FOCAD: variants seen among roughly 807,000 people sequenced by gnomAD.
The protein encoded by FOCAD is focadhesin, also known as KIAA1797.
In FOCAD, 198 loss-of-function variants were observed where a neutral mutation model predicts 225.6. The ratio of observed to expected loss-of-function variants is 0.88; its 90% CI spans 0.78 to 0.99. The LOEUF is 0.99. Ranked by LOEUF, FOCAD falls within the 50% of genes least tolerant of loss-of-function variation. The probability of loss-of-function intolerance (pLI) is 0.00; values close to 1 mark genes in which losing one functional copy is unlikely to be tolerated. For missense variants in FOCAD, 2,713 were observed against 2,123.6 expected, an observed-to-expected ratio of 1.28 and a Z score of -5.46; for synonymous variants, 897 against 755.0, an observed-to-expected ratio of 1.19 and a Z score of -3.08.
intron 35 of FOCAD, among the ~76,000 whole-genome samples, chr9:20,969,859 C>G (rs1440577158): frequency 6.6e-6 from 1 of 151,916 alleles, no homozygotes; most frequent in African/African-American, 2.4e-5. Flanking sequence ...GCCTTGAGGA[C>G]TCCCATTAAC....
intron 8 of FOCAD, among the ~76,000 whole-genome samples, chr9:20,772,067 T>C (rs116570935): frequency 0.038 from 5,850 of 152,142 alleles, 146 homozygotes; most frequent in African/African-American, 0.072. Context: ...GAGGGCCTAA[T>C]GAGGGAAATG....
chr9:20,830,160 T>C (rs1217747767), intron 15 of FOCAD, among the ~76,000 whole-genome samples: 1 of 152,104 alleles, frequency 6.6e-6, no homozygotes, highest in Admixed American at 6.6e-5. Context: ...TACCTTGTCA[T>C]GTTGTGTTAT....
Position 20,933,038 on chromosome 9 carries a change from CCTT to C in FOCAD, c.3348_3350del (p.Leu1117del). On this transcript the variant is annotated inframe_deletion, in exon 28 of 44. Transcript: ENST00000338382. ...GTGATATATCTGGCCAAGAGATGAA[CCTT>C]CTTCTGATGAAGTCGTTGGATGCCC... 6.2e-7 allele frequency: 1 copy of C among 1,613,792 alleles called. No homozygotes were observed. The highest frequency in any genetic ancestry group is 8.5e-7 in the Non-Finnish European group (1 of 1,179,792).
intron 22 of FOCAD, among the ~76,000 whole-genome samples, chr9:20,908,513 C>T (rs1218328893): frequency 6.6e-6 from 1 of 152,108 alleles, no homozygotes; most frequent in African/African-American, 2.4e-5. Context: ...TTTAAATCCA[C>T]GTAGTCTACC....
intron 15 of FOCAD, among the ~76,000 whole-genome samples, chr9:20,836,563 A>G (rs929990068): frequency 3.3e-5 from 5 of 152,022 alleles, no homozygotes; most frequent in African/African-American, 9.7e-5. Context: ...CTCTTTTTGT[A>G]CATTTGTTGA....
At chr9:20,921,123 A>T (rs1177841544) in intron 24 of FOCAD, among the ~76,000 whole-genome samples, 1 of 152,120 alleles carries the variant, frequency 6.6e-6, no homozygotes, top group Admixed American at 6.6e-5. Context: ...GAACACGTAT[A>T]AAACCTGATG....
intron 8 of FOCAD, among the ~76,000 whole-genome samples, chr9:20,772,786 C>G (rs577129063): frequency 1.5e-4 from 23 of 152,014 alleles, no homozygotes; most frequent in African/African-American, 5.1e-4. Flanking sequence ...TCAAGTATTA[C>G]AAGTCATTTG....
intron 35 of FOCAD, among the ~76,000 whole-genome samples, chr9:20,974,670 C>T (rs201325624): frequency 7.6e-4 from 91 of 119,006 alleles, no homozygotes; most frequent in African/African-American, 2.8e-3. Context: ...CCTACTTCCC[C>T]CTTCTTTCAG....
At chr9:20,792,251 GAA>G (rs1820615406) in intron 11 of FOCAD, among the ~76,000 whole-genome samples, 1 of 152,180 alleles carries the variant, frequency 6.6e-6, no homozygotes, top group African/African-American at 2.4e-5. Context: ...TATCTGAACT[GAA>G]CATCAACCAC....
At chr9:20,858,231 T>C (rs1442755068) in intron 15 of FOCAD, among the ~76,000 whole-genome samples, 1 of 149,034 alleles carries the variant, frequency 6.7e-6, no homozygotes, top group Admixed American at 7.0e-5. Flanking sequence ...TTGGCTTTTA[T>C]TGATGGGAAA....
intron 1 of FOCAD, chr9:20,694,635 A>C (rs1470136513): frequency 6.6e-6 from 1 of 152,150 alleles, no homozygotes; most frequent in African/African-American, 2.4e-5. Context: ...ATTTTCTTTT[A>C]TTTTTAAAAA....
intron 23 of FOCAD, 59 bp downstream of exon 23, chr9:20,913,013 A>T (rs1833567497): frequency 7.2e-7 from 1 of 1,386,984 alleles, no homozygotes; most frequent in Non-Finnish European, 1.0e-6. Flanking sequence ...ATGAGGGGAA[A>T]GGTAACTACT....
chr9:20,709,068 G>C (rs2131460915), intron 1 of FOCAD, among the ~76,000 whole-genome samples: 1 of 152,226 alleles, frequency 6.6e-6, no homozygotes, highest in African/African-American at 2.4e-5. Context: ...AGAAACTATT[G>C]AGAAAGTTGA....
chr9:20,701,593 C>T (rs1587264686), intron 1 of FOCAD, among the ~76,000 whole-genome samples: 1 of 152,150 alleles, frequency 6.6e-6, no homozygotes, highest in East Asian at 1.9e-4. Context: ...ATGGAAGTGG[C>T]CAATTGTTAT....
intron 5 of FOCAD, among the ~76,000 whole-genome samples, chr9:20,753,387 C>G (rs1366930680): frequency 6.6e-6 from 1 of 151,776 alleles, no homozygotes; most frequent in Non-Finnish European, 1.5e-5. Flanking sequence ...TGAATTTTGT[C>G]AAAGGCCTTT....
At position 20,995,580 on chromosome 9, in the gene FOCAD, TC is replaced by T; in HGVS notation, c.5360del (p.Pro1787GlnfsTer49). 1 of 1,612,922 alleles carries T rather than the reference TC, an allele frequency of 6.2e-7. No homozygotes were observed. On this transcript the variant is annotated frameshift_variant, in exon 44 of 44. Coordinates refer to ENST00000338382, the MANE Select transcript of FOCAD (RefSeq NM_001375567.1). LOFTEE classifies it high-confidence loss of function. ...LKATLLSLRV[L>X]PEFKKKAVWT... ...GCCACCCTGCTGTCCTTGAGAGTTCTCCCAGAGTTTAAGAAGAAAGCTGTAT... is the reference window on the plus strand; with the variant it reads ...GCCACCCTGCTGTCCTTGAGAGTTCTCCAGAGTTTAAGAAGAAAGCTGTAT...
At chr9:20,680,678 T>TA (rs1258057814), upstream of FOCAD, among the ~76,000 whole-genome samples, 5 of 152,142 alleles carry the variant, frequency 3.3e-5, no homozygotes, top group Non-Finnish European at 7.3e-5. Flanking sequence ...TTCTAAAACA[T>TA]ATTAGCAGCT....
intron 5 of FOCAD, among the ~76,000 whole-genome samples, chr9:20,745,194 C>T (rs989809830): frequency 2.0e-5 from 3 of 151,862 alleles, no homozygotes; most frequent in African/African-American, 4.8e-5. Flanking sequence ...ACTGCAACCT[C>T]TGCCTCCCAG....
intron 15 of FOCAD, among the ~76,000 whole-genome samples, chr9:20,845,253 A>G (rs2131588910): frequency 6.6e-6 from 1 of 152,166 alleles, no homozygotes; most frequent in South Asian, 2.1e-4. Context: ...TAGCAGAATT[A>G]GAAGCAAAAA....
Sources: gnomAD v4.1 joint callset for allele counts (sites outside exome capture counted in the v4.1 genomes callset) on GRCh38, gnomAD v4.1.1 for gene constraint, MANE v1.5 for transcripts, NCBI Gene and HGNC (gene_info 2026-07-23, HGNC 2026-07-21) for gene names.